Variants in CFAP57 observed in about 807,000 individuals in gnomAD.
CFAP57 encodes the protein cilia- and flagella-associated protein 57.
Under a neutral mutation model 146.8 loss-of-function variants are expected in CFAP57, and 116 were observed. The ratio of observed to expected loss-of-function variants is 0.79; its 90% confidence interval spans 0.68 to 0.92. CFAP57 has a LOEUF of 0.92. Among genes scored for constraint, CFAP57 ranks in the 40% least tolerant of loss-of-function variants. The pLI, the probability that CFAP57 is intolerant of heterozygous loss-of-function variation, is 0.00. For missense variants in CFAP57, 1,377 were observed against 1,527.2 expected, an observed-to-expected ratio of 0.90 and a Z score of 1.64; for synonymous variants, 518 against 552.8, an observed-to-expected ratio of 0.94 and a Z score of 0.88.
chr1:43,207,044 C>G, intron 10 of CFAP57, 112 bp downstream of exon 10: 2 of 1,060,032 alleles, frequency 1.9e-6, no homozygotes, highest in South Asian at 2.6e-5. Context: ...TACAGGGCCC[C>G]TTCTTCCCAA....
chr1:43,234,266 T>C lies in CFAP57; in HGVS notation c.3127-13T>C. On this transcript the variant is annotated splice_polypyrimidine_tract_variant and intron_variant, in intron 19 of 22. Transcript: ENST00000372492. ...CACCCTACAGCACCAGAAGGAAACG[T>C]CTCTGATTGCAGGAGCGAGACTTGG... 2 of 1,537,602 alleles carry C rather than the reference T, an allele frequency of 1.3e-6. No homozygotes were observed. The highest frequency in any genetic ancestry group is 1.8e-6 in the Non-Finnish European group (2 of 1,140,280).
chr1:43,247,712 C>G (rs547381895), intron 22 of CFAP57, among the ~76,000 whole-genome samples: 1 of 152,194 alleles, frequency 6.6e-6, no homozygotes, highest in Non-Finnish European at 1.5e-5. Flanking sequence ...TTTCTAATTT[C>G]TCTGTATGTG....
intron 22 of CFAP57, among the ~76,000 whole-genome samples, chr1:43,248,319 CT>C (rs763437285): frequency 0.043 from 5,701 of 133,346 alleles, 86 homozygotes; most frequent in African/African-American, 0.088. Context: ...AAAAAATTTT[CT>C]TTTTTTTTTT....
intron 5 of CFAP57, among the ~76,000 whole-genome samples, chr1:43,186,029 A>G (rs914997471): frequency 6.6e-6 from 1 of 152,024 alleles, no homozygotes; most frequent in Admixed American, 6.6e-5. Context: ...TAGAAAGCCA[A>G]GATCACACCA....
chr1:43,245,183 C>G (rs1291199615), intron 22 of CFAP57, among the ~76,000 whole-genome samples: 1 of 152,036 alleles, frequency 6.6e-6, no homozygotes, highest in African/African-American at 2.4e-5. Flanking sequence ...ATGGCATATG[C>G]CTGTAGTCCC....
At chr1:43,198,677 CA>C in intron 8 of CFAP57, 31 bp downstream of exon 8, 1 of 1,611,596 alleles carries the variant, frequency 6.2e-7, no homozygotes, top group Middle Eastern at 1.7e-4. Flanking sequence ...GACAAAAGTC[CA>C]GTTTCTTAGA....
intron 6 of CFAP57, among the ~76,000 whole-genome samples, chr1:43,195,655 A>T (rs1425646600): frequency 6.6e-6 from 1 of 152,262 alleles, no homozygotes; most frequent in Non-Finnish European, 1.5e-5. Flanking sequence ...TGCACACTGT[A>T]GAATATCAAA....
chr1:43,219,107 C>G (rs916566119), intron 12 of CFAP57, among the ~76,000 whole-genome samples: 1 of 152,170 alleles, frequency 6.6e-6, no homozygotes, highest in Admixed American at 6.5e-5. Flanking sequence ...TGCAAGTCAG[C>G]CTCGTCAAGC....
intron 2 of CFAP57, among the ~76,000 whole-genome samples, chr1:43,180,537 A>G (rs1645361336): frequency 6.6e-6 from 1 of 152,008 alleles, no homozygotes; most frequent in Non-Finnish European, 1.5e-5. Flanking sequence ...TTGGGCCCTC[A>G]TGCTGCTGCT....
chr1:43,183,850 G>A lies in CFAP57; in HGVS notation c.734G>A (p.Ser245Asn), dbSNP rs191600482. The change falls in exon 4 of 23, where the codon AGC (serine) becomes AAC (asparagine). Residue 245 changes from serine to asparagine, a missense_variant. Physicochemically the swap from Ser to Asn is conservative, Grantham distance 46. Coordinates refer to ENST00000372492, the MANE Select transcript of CFAP57 (RefSeq NM_001378189.1). ...MVKEPTNGSK[S>N]LDVIQESESL... The stretch of plus-strand genomic sequence containing the variant: ...AAGGAACCTACCAATGGCTCAAAGA[G>A]CCTGGATGTCATTCAGGAATCAGAG... 1.4e-5 allele frequency: 23 copies of A among 1,614,152 alleles called. No homozygotes were observed. Among genetic ancestry groups the A allele is most frequent in the African/African-American group, 1.3e-4 (10 of 75,060 alleles).
At chr1:43,203,681 G>A (rs1570055869) in intron 9 of CFAP57, among the ~76,000 whole-genome samples, 1 of 152,136 alleles carries the variant, frequency 6.6e-6, no homozygotes, top group East Asian at 1.9e-4. Flanking sequence ...GGATGGTCTC[G>A]ATCTCTTCAC....
chr1:43,242,972 G>A (rs895800168), intron 21 of CFAP57, among the ~76,000 whole-genome samples: 25 of 152,180 alleles, frequency 1.6e-4, no homozygotes, highest in Middle Eastern at 3.4e-3. Flanking sequence ...GAAAAGCATT[G>A]TTGTTGCTGT....
chr1:43,233,176 C>G (rs1329178480), intron 19 of CFAP57, among the ~76,000 whole-genome samples: 1 of 152,210 alleles, frequency 6.6e-6, no homozygotes, highest in East Asian at 1.9e-4. Context: ...CAGGCCACTC[C>G]TTAACATTTG....
rs192095986 is a variant in CFAP57, at chr1:43,226,812, G to A, written c.2866-171G>A. ...GTACAGAGGCTGAGGGGTCTGTGCT[G>A]TAGCCCCATGGGGGGAGTGCCAGCC... On this transcript the variant is annotated intron_variant, in intron 17 of 22. Coordinates refer to ENST00000372492, the MANE Select transcript of CFAP57 (RefSeq NM_001378189.1). Among the ~76,000 whole-genome samples the A allele has an allele frequency of 2.6e-3, 393 of 152,348 alleles. 1 individual carries two copies. Among genetic ancestry groups the A allele is most frequent in the African/African-American group, 9.2e-3 (381 of 41,580 alleles).
At chr1:43,223,992 A>G in intron 16 of CFAP57, 54 bp from the exon 17 acceptor site, 1 of 1,542,796 alleles carries the variant, frequency 6.5e-7, no homozygotes, top group Non-Finnish European at 8.8e-7. Context: ...AGTGGGAGGG[A>G]TGGAGATGAG....
chr1:43,236,628 A>C (rs1043182925), intron 21 of CFAP57, among the ~76,000 whole-genome samples: 1 of 133,140 alleles, frequency 7.5e-6, no homozygotes, highest in Admixed American at 8.1e-5. Flanking sequence ...GGCAATTTCC[A>C]GCCGGGCGCA....
rs926997402 is a variant in CFAP57, at chr1:43,221,459, G to A, written c.2335G>A (p.Asp779Asn). ...LLDKQSRELQDMECCNNQKLL... is the reference protein window; with the variant it reads ...LLDKQSRELQNMECCNNQKLL... Reference sequence around the variant, plus strand: ...AGACAAGCAAAGCCGGGAACTGCAGGACATGGGTGAGCCCACAAGTAGAGG... The same window carrying A: ...AGACAAGCAAAGCCGGGAACTGCAGAACATGGGTGAGCCCACAAGTAGAGG... The change falls in exon 14 of 23, where the codon GAC becomes AAC. Residue 779 changes from aspartate to asparagine, a missense_variant. Coordinates refer to ENST00000372492, the MANE Select transcript of CFAP57 (RefSeq NM_001378189.1). 4 of 1,526,634 alleles carry A rather than the reference G, an allele frequency of 2.6e-6. No individual in the cohort carries two copies. The highest frequency in any genetic ancestry group is 3.5e-6 in the Non-Finnish European group (4 of 1,136,360). 94.6% of individuals were successfully genotyped at this position (1,526,634 alleles called of 1,614,324 possible).
At chr1:43,175,819 G>GTTTT (rs61528121) in intron 2 of CFAP57, among the ~76,000 whole-genome samples, 7 of 137,760 alleles carry the variant, frequency 5.1e-5, no homozygotes, top group African/African-American at 1.6e-4. Context: ...ATGTTTTTGG[G>GTTTT]TTTTTTTTTT....
chr1:43,174,814 T>C, intron 2 of CFAP57, among the ~76,000 whole-genome samples: 1 of 152,128 alleles, frequency 6.6e-6, no homozygotes. Context: ...AGACCCTGTC[T>C]CAAAAACAAA....
Sources: allele counts gnomAD v4.1 joint callset (sites outside exome capture counted in the v4.1 genomes callset), GRCh38; gene constraint gnomAD v4.1.1; transcripts MANE v1.5; gene names NCBI Gene and HGNC (gene_info 2026-07-23, HGNC 2026-07-21).